The following DAAM2 variants were observed in gnomAD, a reference collection of about 807,000 sequenced individuals.
DAAM2 encodes disheveled-associated activator of morphogenesis 2.
In DAAM2, 39 loss-of-function variants were observed where a neutral mutation model predicts 120.7. The observed-to-expected ratio is 0.32, with a 90% CI of 0.25 to 0.42. The LOEUF (loss-of-function observed/expected upper bound fraction) is 0.42, where lower values mean the gene tolerates loss of function less well. DAAM2 is among the 10% of genes least tolerant of loss of function. The pLI, the probability that DAAM2 is intolerant of heterozygous loss-of-function variation, is 1.00. For missense variants in DAAM2, 1,283 were observed against 1,401.7 expected (o/e 0.92, Z 1.35); for synonymous variants, 488 against 524.9 (o/e 0.93, Z 0.96).
chr6:39,856,528 A>G (rs1248098142), intron 2 of DAAM2, 58 bp downstream of exon 2: 40 of 1,303,332 alleles, frequency 3.1e-5, no homozygotes, highest in Non-Finnish European at 4.0e-5. Context: ...ATGGAGAGGC[A>G]GAGCTGGACA....
rs146449082 is a variant in DAAM2 at position 39,868,109 on chromosome 6, A to G, written c.762+266A>G. 1.7e-3 allele frequency: 816 copies of G among 472,626 alleles called. 3 individuals are homozygous for G. Among genetic ancestry groups the G allele is most frequent in the African/African-American group, 0.015 (765 of 51,858 alleles). 29.3% of individuals were successfully genotyped at this position (472,626 alleles called of 1,614,324 possible). A position where few individuals can be genotyped will look rare whatever the true frequency, so the allele number is the denominator to read the frequency against. ...TAGTCAGTGGGTTCCTGGAAGCCGG[A>G]ATATTGGCCTGCATTATTTTTGTGG... is the stretch of plus-strand genomic sequence containing the variant. On this transcript the variant is annotated intron_variant, in intron 6 of 24. Transcript: ENST00000274867.
At chr6:39,811,277 G>A (rs1188585710) in intron 1 of DAAM2, among the ~76,000 whole-genome samples, 1 of 151,796 alleles carries the variant, frequency 6.6e-6, no homozygotes, top group African/African-American at 2.4e-5. Context: ...CCATTCTCAC[G>A]TGGCTAAAGA....
chr6:39,878,485 G>A lies in DAAM2; in HGVS notation c.1442G>A (p.Arg481Gln), dbSNP rs539417807. 8.9e-5 allele frequency: 143 copies of A among 1,610,590 alleles called. No individual in the cohort carries two copies. In the Middle Eastern group the frequency reaches 1.2e-3, roughly 13 times the overall value. ...TKTLEKEEMM[R>Q]TLNKMKDKLA... ...ACATTGGAGAAGGAAGAGATGATGC[G>A]GACGCTGAACAAAATGAAGGACAAG... The change falls in exon 13 of 25, where the codon CGG becomes CAG. Residue 481 changes from arginine to glutamine, a missense_variant. Physicochemically the swap from Arg to Gln is conservative, Grantham distance 43. Transcript: ENST00000274867. The surrounding 1 kb of genome is among the most constrained non-coding windows in gnomAD (Gnocchi z 5.0).
At chr6:39,851,752 T>C (rs1216631116) in intron 1 of DAAM2, among the ~76,000 whole-genome samples, 1 of 152,084 alleles carries the variant, frequency 6.6e-6, no homozygotes, top group Non-Finnish European at 1.5e-5. Flanking sequence ...CCTTTGGGAA[T>C]AGGATCGCGC....
At chr6:39,866,703 A>G (rs1764447524) in intron 5 of DAAM2, among the ~76,000 whole-genome samples, 1 of 152,258 alleles carries the variant, frequency 6.6e-6, no homozygotes, top group African/African-American at 2.4e-5. Context: ...TTAAATAGCA[A>G]GAGCTAGCTG....
At chr6:39,899,490 G>A (rs1766340858) in intron 22 of DAAM2, 1 of 158,956 alleles carries the variant, frequency 6.3e-6, no homozygotes, top group Non-Finnish European at 1.4e-5. Context: ...TCTAAGTCTT[G>A]TCCCCCACAC....
At chr6:39,793,790 A>G (rs891637575) in intron 1 of DAAM2, among the ~76,000 whole-genome samples, 3 of 152,194 alleles carry the variant, frequency 2.0e-5, no homozygotes, top group African/African-American at 2.4e-5. Flanking sequence ...AGTGCCAGGC[A>G]CTGCCTGTCA....
At chr6:39,897,891 A>C (rs1460658194) in intron 21 of DAAM2, among the ~76,000 whole-genome samples, 1 of 152,128 alleles carries the variant, frequency 6.6e-6, no homozygotes, top group Non-Finnish European at 1.5e-5. Flanking sequence ...TATTGTGTTG[A>C]CTGTATGGGC....
chr6:39,871,633 A>T (rs1374918124), intron 9 of DAAM2, 61 bp downstream of exon 9: 8 of 1,473,262 alleles, frequency 5.4e-6, no homozygotes, highest in Non-Finnish European at 6.5e-6. Flanking sequence ...GTGGCCCCAC[A>T]GCCACTTTTC....
intron 11 of DAAM2, among the ~76,000 whole-genome samples, chr6:39,877,576 A>T (rs1582720253): frequency 6.6e-6 from 1 of 152,178 alleles, no homozygotes. Flanking sequence ...ACTCTTCCAC[A>T]TTCTCAGATT....
At chr6:39,875,800 G>A (rs1447640324) in intron 11 of DAAM2, among the ~76,000 whole-genome samples, 4 of 152,086 alleles carry the variant, frequency 2.6e-5, no homozygotes, top group Non-Finnish European at 4.4e-5. Context: ...AGGTGTATTG[G>A]GCATGTTCTC....
At chr6:39,862,572 G>A (rs1764254782) in intron 3 of DAAM2, 1 of 152,092 alleles carries the variant, frequency 6.6e-6, no homozygotes, top group Admixed American at 6.6e-5. Context: ...GGGAGGCCGA[G>A]GTGGGCAGAT....
intron 23 of DAAM2, among the ~76,000 whole-genome samples, chr6:39,900,566 G>A (rs183582740): frequency 2.0e-4 from 31 of 152,266 alleles, no homozygotes; most frequent in African/African-American, 7.0e-4. Context: ...GTTAGAATCT[G>A]ACACCACAGC....
intron 15 of DAAM2, chr6:39,886,179 G>T (rs956249248): frequency 2.9e-5 from 11 of 381,110 alleles, no homozygotes; most frequent in African/African-American, 2.3e-4. Context: ...GCACTAGGCA[G>T]ATGGGAGGAG....
rs1180113505 is a variant in DAAM2 at position 39,887,691 on chromosome 6, C to T, written c.2060+99C>T. 1.5e-5 allele frequency: 12 copies of T among 785,190 alleles called. No individual in the cohort carries two copies. The South Asian group carries it at 1.9e-4, about 12-fold the overall frequency. 48.6% of individuals were successfully genotyped at this position (785,190 alleles called of 1,614,324 possible). ...CTCGGGCCTCTCCCTCTCTGCTGTC[C>T]CCTGGGAGGGGCAGGCATTGATCTG... On this transcript the variant is annotated intron_variant, in intron 16 of 24. Transcript: ENST00000274867.
intron 14 of DAAM2, among the ~76,000 whole-genome samples, chr6:39,881,492 G>T (rs1765116730): frequency 6.6e-6 from 1 of 152,348 alleles, no homozygotes; most frequent in Admixed American, 6.5e-5. Flanking sequence ...GCCAAGGCGG[G>T]CAGATCACAA....
chr6:39,881,235 G>A (rs970572926), intron 14 of DAAM2, among the ~76,000 whole-genome samples: 4 of 111,150 alleles, frequency 3.6e-5, no homozygotes, highest in African/African-American at 1.1e-4. Flanking sequence ...TTTCTAGACT[G>A]GAGAGTGTGG....
intron 2 of DAAM2, among the ~76,000 whole-genome samples, chr6:39,857,487 ACT>A (rs1764052625): frequency 6.6e-6 from 1 of 152,194 alleles, no homozygotes; most frequent in Non-Finnish European, 1.5e-5. Context: ...AGGAAAACTC[ACT>A]GTTTCCTGAT....
At chr6:39,899,891 T>C (rs1766366697) in intron 22 of DAAM2, 186 bp from the exon 23 acceptor site, 1 of 583,162 alleles carries the variant, frequency 1.7e-6, no homozygotes, top group Non-Finnish European at 2.9e-6. Context: ...GAAAGAAAGA[T>C]GGCAGGGTGG....
Sources: gnomAD v4.1 joint callset for allele counts (sites outside exome capture counted in the v4.1 genomes callset) on GRCh38, gnomAD v4.1.1 for gene constraint, Gnocchi (gnomAD v3.1) non-coding constraint, MANE v1.5 for transcripts, NCBI Gene and HGNC (gene_info 2026-07-23, HGNC 2026-07-21) for gene names.